The following PARN variants were observed in gnomAD, a reference collection of about 807,000 sequenced individuals.
The protein encoded by PARN is poly(A)-specific ribonuclease PARN.
A neutral mutation model predicts 102.8 loss-of-function variants in PARN; 71 were observed. That is an observed-to-expected ratio of 0.69 (90% CI 0.57 to 0.84). PARN has a LOEUF of 0.84. Ranked by LOEUF, PARN falls within the 40% of genes least tolerant of loss-of-function variation. PARN has a pLI of 0.00. For missense variants in PARN, 782 were observed against 760.9 expected (o/e 1.03, Z -0.33); for synonymous variants, 261 against 252.9 (o/e 1.03, Z -0.30).
chr16:14,626,958 C>T, intron 5 of PARN, 148 bp downstream of exon 5: 1 of 623,254 alleles, frequency 1.6e-6, no homozygotes, highest in Non-Finnish European at 2.8e-6. Context: ...ATAACAGGGT[C>T]ATGAATTTAT....
At chr16:14,512,783 TACAGAATTTG>T (rs576035782) in intron 21 of PARN, among the ~76,000 whole-genome samples, 169 of 152,338 alleles carry the variant, frequency 1.1e-3, no homozygotes, top group African/African-American at 3.9e-3. Flanking sequence ...CATACGTTTC[TACAGAATTTG>T]ACCGTTCAGG....
At chr16:14,439,020 C>A (rs2151547014) in intron 23 of PARN, among the ~76,000 whole-genome samples, 1 of 152,314 alleles carries the variant, frequency 6.6e-6, no homozygotes, top group East Asian at 1.9e-4. Flanking sequence ...CCACAGAACT[C>A]ATTTTCACAG....
chr16:14,548,293 T>C (rs1173044646), intron 21 of PARN, among the ~76,000 whole-genome samples: 3 of 151,354 alleles, frequency 2.0e-5, no homozygotes, highest in Non-Finnish European at 4.4e-5. Flanking sequence ...TCAGATACCC[T>C]GGGTCCTTCT....
chr16:14,609,884 T>C (rs527566529), intron 7 of PARN, among the ~76,000 whole-genome samples: 2 of 152,184 alleles, frequency 1.3e-5, no homozygotes, highest in African/African-American at 2.4e-5. Context: ...ATTCAGTCCA[T>C]GCAAGTTTTA....
At chr16:14,549,496 C>G (rs1967164671) in intron 21 of PARN, among the ~76,000 whole-genome samples, 1 of 152,124 alleles carries the variant, frequency 6.6e-6, no homozygotes. Context: ...ATGTAGCTCC[C>G]TGATTAGAGT....
intron 22 of PARN, among the ~76,000 whole-genome samples, chr16:14,471,788 T>G (rs1962758170): frequency 6.6e-6 from 1 of 152,246 alleles, no homozygotes. Flanking sequence ...TATTTCATTT[T>G]GCATAATGTC....
intron 11 of PARN, among the ~76,000 whole-genome samples, chr16:14,600,450 T>C (rs568024586): frequency 2.2e-4 from 33 of 152,286 alleles, no homozygotes; most frequent in South Asian, 6.2e-4. Context: ...CTATATTCTT[T>C]CCAGCAGTGT....
chr16:14,486,371 G>A (rs577604664), intron 21 of PARN, among the ~76,000 whole-genome samples: 3 of 152,066 alleles, frequency 2.0e-5, no homozygotes, highest in Non-Finnish European at 2.9e-5. Flanking sequence ...ACCCTATCTC[G>A]AAAAAAATCC....
In PARN at chr16:14,591,252, G is replaced by A. The variant is rs145363755; in HGVS notation, c.918+2049C>T. ...AAAAATACAAAAAAATTAGCAGGGC[G>A]TGGTGGTGCACGCCTGTAGTCCCAG... On this transcript the variant is annotated intron_variant, in intron 13 of 23. Coordinates refer to ENST00000437198, the MANE Select transcript of PARN (RefSeq NM_002582.4). 2.2e-3 allele frequency among the ~76,000 whole-genome samples: 333 copies of A among 152,140 alleles called. 2 individuals are homozygous for A. The highest frequency in any genetic ancestry group is 7.1e-3 in the African/African-American group (294 of 41,486).
At chr16:14,593,241 A>T (rs1166529972) in intron 13 of PARN, 60 bp downstream of exon 13, 2 of 902,670 alleles carry the variant, frequency 2.2e-6, no homozygotes, top group Non-Finnish European at 3.7e-6. Flanking sequence ...CATCATAATA[A>T]TATTTTTTCA....
chr16:14,583,742 C>T lies in PARN; in HGVS notation c.1081+605G>A, dbSNP rs932170514. On this transcript the variant is annotated intron_variant, in intron 16 of 23. Coordinates refer to ENST00000437198, the MANE Select transcript of PARN (RefSeq NM_002582.4). ...CTACAACTAATGGCTCGCTAATCACCGTATCAGCAGCACAATCAGGTTAAC... is the reference window on the plus strand; with the variant it reads ...CTACAACTAATGGCTCGCTAATCACTGTATCAGCAGCACAATCAGGTTAAC... Among the ~76,000 whole-genome samples, 6 of 152,254 alleles carry T rather than the reference C, an allele frequency of 3.9e-5. No homozygotes were observed. The East Asian group carries it at 7.7e-4, about 20-fold the overall frequency.
intron 22 of PARN, among the ~76,000 whole-genome samples, chr16:14,468,586 A>G (rs1189748200): frequency 6.6e-6 from 1 of 152,224 alleles, no homozygotes; most frequent in African/African-American, 2.4e-5. Flanking sequence ...GTAAGCCATC[A>G]GCCACATGGG....
At chr16:14,588,971 G>C (rs1970014529) in intron 13 of PARN, among the ~76,000 whole-genome samples, 1 of 152,004 alleles carries the variant, frequency 6.6e-6, no homozygotes, top group African/African-American at 2.4e-5. Flanking sequence ...CCTGAAGTCA[G>C]GGGTTCAAGA....
chr16:14,442,602 CCTCT>C (rs892656192), intron 23 of PARN, among the ~76,000 whole-genome samples: 6 of 148,274 alleles, frequency 4.0e-5, no homozygotes, highest in African/African-American at 1.2e-4. Context: ...CTCCCTCCCT[CCTCT>C]CTCTTTCTTT....
intron 9 of PARN, 77 bp from the exon 10 acceptor site, chr16:14,606,603 C>A: frequency 1.4e-6 from 1 of 696,174 alleles, no homozygotes. Flanking sequence ...AAGCAACTAT[C>A]CAGCTACTAA....
chr16:14,493,603 AG>A (rs1964165249), intron 21 of PARN, among the ~76,000 whole-genome samples: 1 of 152,178 alleles, frequency 6.6e-6, no homozygotes, highest in African/African-American at 2.4e-5. Flanking sequence ...TGCAATCTGA[AG>A]GAAGAGTAAA....
At chr16:14,438,441 T>TG (rs375043884) in intron 23 of PARN, among the ~76,000 whole-genome samples, 9,123 of 106,840 alleles carry the variant, frequency 0.085, 759 homozygotes, top group African/African-American at 0.14. Flanking sequence ...TGCCATTAGT[T>TG]GGGGGGGGGG....
intron 13 of PARN, among the ~76,000 whole-genome samples, chr16:14,589,134 C>T (rs1318709655): frequency 1.3e-5 from 2 of 151,034 alleles, no homozygotes; most frequent in African/African-American, 4.9e-5. Flanking sequence ...GAGTCAAGAT[C>T]GCACCACTGC....
At chr16:14,448,486 C>G (rs560736633) in intron 22 of PARN, among the ~76,000 whole-genome samples, 1 of 152,222 alleles carries the variant, frequency 6.6e-6, no homozygotes, top group African/African-American at 2.4e-5. Context: ...TGAGGTTTCA[C>G]CATGTTGGCC....
Sources: gnomAD v4.1 joint callset for allele counts (sites outside exome capture counted in the v4.1 genomes callset) on GRCh38, gnomAD v4.1.1 for gene constraint, MANE v1.5 for transcripts, NCBI Gene and HGNC (gene_info 2026-07-23, HGNC 2026-07-21) for gene names.